Variants in TMCC1 observed in about 807,000 individuals in gnomAD.
The protein encoded by TMCC1 is transmembrane and coiled-coil domain family 1, also known as transmembrane and coiled-coil domains protein 1.
A neutral mutation model predicts 52.4 loss-of-function variants in TMCC1; 15 were observed. The observed-to-expected ratio is 0.29, with a 90% CI of 0.19 to 0.44. The LOEUF (loss-of-function observed/expected upper bound fraction) is 0.44. Ranked by LOEUF, TMCC1 falls within the 20% of genes least tolerant of loss-of-function variation. The probability of loss-of-function intolerance (pLI) is 1.00; values close to 1 mark genes in which losing one functional copy is unlikely to be tolerated. For missense variants in TMCC1, 503 were observed against 806.0 expected (o/e 0.62, Z 4.55); for synonymous variants, 279 against 301.9 (o/e 0.92, Z 0.79).
At chr3:129,859,287 T>A (rs1185453055) in intron 2 of TMCC1, among the ~76,000 whole-genome samples, 1 of 152,132 alleles carries the variant, frequency 6.6e-6, no homozygotes, top group Non-Finnish European at 1.5e-5. Flanking sequence ...AGCACGTAAG[T>A]CACTATGAAG....
intron 4 of TMCC1, among the ~76,000 whole-genome samples, chr3:129,727,363 T>C (rs773647969): frequency 1.3e-5 from 2 of 152,166 alleles, no homozygotes; most frequent in Non-Finnish European, 2.9e-5. Flanking sequence ...GTGAGGTTTT[T>C]TGGAACCTTA....
chr3:129,811,439 A>T (rs977064677), intron 4 of TMCC1, among the ~76,000 whole-genome samples: 21 of 151,500 alleles, frequency 1.4e-4, no homozygotes, highest in South Asian at 4.2e-4. Context: ...TGTTTTTTTT[A>T]AAATTTCTTG....
intron 4 of TMCC1, among the ~76,000 whole-genome samples, chr3:129,697,300 T>C (rs2047484419): frequency 6.6e-6 from 1 of 152,202 alleles, no homozygotes. Context: ...TACCAAGGTA[T>C]AGGGCCTTCA....
At chr3:129,760,400 TA>T (rs2053432713) in intron 4 of TMCC1, among the ~76,000 whole-genome samples, 1 of 64,588 alleles carries the variant, frequency 1.5e-5, no homozygotes, top group Admixed American at 1.8e-4. Context: ...CACGCCAGGC[TA>T]GTGTGTGTGT....
At chr3:129,809,243 T>A (rs1271420006) in intron 4 of TMCC1, among the ~76,000 whole-genome samples, 2 of 64,262 alleles carry the variant, frequency 3.1e-5, no homozygotes, top group Non-Finnish European at 6.9e-5. Context: ...CAAGATTCCA[T>A]CTCAAAAAAA....
intron 4 of TMCC1, among the ~76,000 whole-genome samples, chr3:129,773,361 A>G (rs1344776552): frequency 6.6e-6 from 1 of 152,164 alleles, no homozygotes; most frequent in Non-Finnish European, 1.5e-5. Flanking sequence ...ATATTTACAC[A>G]TTTGTTTGTA....
chr3:129,882,382 A>AAAG (rs1253672918), intron 1 of TMCC1, among the ~76,000 whole-genome samples: 1 of 152,086 alleles, frequency 6.6e-6, no homozygotes, highest in East Asian at 1.9e-4. Flanking sequence ...TGGCAAGGAT[A>AAAG]TGGAGAAAGT....
At chr3:129,674,747 A>C (rs2088255561) in intron 4 of TMCC1, among the ~76,000 whole-genome samples, 1 of 152,240 alleles carries the variant, frequency 6.6e-6, no homozygotes, top group Non-Finnish European at 1.5e-5. Flanking sequence ...CTTAGCTATG[A>C]GTTTTGAAGG....
intron 4 of TMCC1, among the ~76,000 whole-genome samples, chr3:129,762,021 T>A (rs1450500644): frequency 3.6e-5 from 5 of 138,350 alleles, no homozygotes; most frequent in Non-Finnish European, 4.7e-5. Context: ...ACTAGTAGAA[T>A]GAGATTAGAT....
At chr3:129,719,997 C>T (rs1205880800) in intron 4 of TMCC1, among the ~76,000 whole-genome samples, 1 of 151,730 alleles carries the variant, frequency 6.6e-6, no homozygotes, top group South Asian at 2.1e-4. Flanking sequence ...GCCTCAGCAA[C>T]ATGGTGAGAC....
chr3:129,891,795 C>T (rs2061974290), intron 1 of TMCC1, among the ~76,000 whole-genome samples: 1 of 152,212 alleles, frequency 6.6e-6, no homozygotes, highest in African/African-American at 2.4e-5. Context: ...ATAAATGCCA[C>T]TCTGAGGAGC....
chr3:129,704,620 T>C (rs781691801), intron 4 of TMCC1, among the ~76,000 whole-genome samples: 12 of 152,176 alleles, frequency 7.9e-5, no homozygotes, highest in South Asian at 4.1e-4. Context: ...GGTTTCACCA[T>C]GTTGGCCAGG....
intron 4 of TMCC1, among the ~76,000 whole-genome samples, chr3:129,703,634 G>A (rs1053416641): frequency 4.6e-5 from 7 of 152,120 alleles, no homozygotes; most frequent in Admixed American, 6.5e-5. Flanking sequence ...TAGAGAAAGC[G>A]TAACTACGAT....
At chr3:129,826,272 T>C (rs879568573) in intron 4 of TMCC1, among the ~76,000 whole-genome samples, 2 of 147,664 alleles carry the variant, frequency 1.4e-5, no homozygotes, top group Non-Finnish European at 3.0e-5. Context: ...GAGGCTGAGG[T>C]GGATGGATCA....
chr3:129,753,384 C>T (rs1019500705), intron 4 of TMCC1, among the ~76,000 whole-genome samples: 1 of 152,080 alleles, frequency 6.6e-6, no homozygotes, highest in African/African-American at 2.4e-5. Context: ...CACTCGACAT[C>T]GTAATATTCA....
intron 4 of TMCC1, among the ~76,000 whole-genome samples, chr3:129,791,796 TG>T (rs1296367008): frequency 1.3e-5 from 2 of 152,318 alleles, no homozygotes; most frequent in East Asian, 3.9e-4. Flanking sequence ...TAAAATGGAA[TG>T]TTTTTTACTT....
At chr3:129,788,750 G>T (rs895607603) in intron 4 of TMCC1, among the ~76,000 whole-genome samples, 6 of 151,642 alleles carry the variant, frequency 4.0e-5, no homozygotes, top group African/African-American at 1.5e-4. Context: ...TTACAGGCGT[G>T]AGCCACCACA....
intron 4 of TMCC1, among the ~76,000 whole-genome samples, chr3:129,799,883 G>C (rs879575167): frequency 6.6e-6 from 1 of 152,026 alleles, no homozygotes; most frequent in Non-Finnish European, 1.5e-5. Context: ...TTTATTTTGT[G>C]TATATGTGTA....
In TMCC1 at chr3:129,771,075, A is replaced by C. The variant is rs911320401; in HGVS notation, c.576+56728T>G. 6.6e-5 allele frequency among the ~76,000 whole-genome samples: 10 copies of C among 152,164 alleles called. No homozygotes were observed. In the East Asian group the frequency reaches 1.9e-3, roughly 29 times the overall value. ...TGAATCCCTGACAGCTATCCCTCTAATACTTCCTTATTTCTAATGGTCCCC... is the reference window on the plus strand; with the variant it reads ...TGAATCCCTGACAGCTATCCCTCTACTACTTCCTTATTTCTAATGGTCCCC... On this transcript the variant is annotated intron_variant, in intron 4 of 6. Coordinates refer to ENST00000393238, the MANE Select transcript of TMCC1 (RefSeq NM_001017395.5).
Sources: gnomAD v4.1 joint callset for allele counts (sites outside exome capture counted in the v4.1 genomes callset) on GRCh38, gnomAD v4.1.1 for gene constraint, MANE v1.5 for transcripts, NCBI Gene and HGNC (gene_info 2026-07-23, HGNC 2026-07-21) for gene names.